The following IQGAP2 variants were observed in gnomAD, a reference collection of about 807,000 sequenced individuals.
The protein encoded by IQGAP2 is ras GTPase-activating-like protein IQGAP2.
Under a neutral mutation model 201.3 loss-of-function variants are expected in IQGAP2, and 173 were observed. The ratio of observed to expected loss-of-function variants is 0.86; its 90% CI spans 0.76 to 0.98. IQGAP2 has a LOEUF of 0.98. Ranked by LOEUF, IQGAP2 falls within the 50% of genes least tolerant of loss-of-function variation. The probability of loss-of-function intolerance (pLI) is 0.00; values close to 1 mark genes in which losing one functional copy is unlikely to be tolerated. For missense variants in IQGAP2, 1,687 were observed against 1,864.8 expected, an observed-to-expected ratio of 0.90 and a Z score of 1.76; for synonymous variants, 675 against 673.9, an observed-to-expected ratio of 1.00 and a Z score of -0.03.
At chr5:76,576,308 A>C (rs1385629617) in intron 5 of IQGAP2, among the ~76,000 whole-genome samples, 4 of 152,238 alleles carry the variant, frequency 2.6e-5, no homozygotes, top group South Asian at 2.1e-4. Flanking sequence ...AGTCAAATCA[A>C]GACACATTCA....
At chr5:76,677,941 T>A (rs527299025) in intron 28 of IQGAP2, among the ~76,000 whole-genome samples, 1 of 151,976 alleles carries the variant, frequency 6.6e-6, no homozygotes, top group South Asian at 2.1e-4. Flanking sequence ...AAAAAATAAA[T>A]AAATAAATAA....
intron 22 of IQGAP2, among the ~76,000 whole-genome samples, chr5:76,668,069 G>A (rs1178528433): frequency 6.6e-6 from 1 of 151,658 alleles, no homozygotes; most frequent in East Asian, 1.9e-4. Flanking sequence ...TTTTTCTAGA[G>A]ACAGGGTCTG....
intron 5 of IQGAP2, among the ~76,000 whole-genome samples, chr5:76,586,035 T>C (rs538409895): frequency 2.8e-4 from 43 of 152,324 alleles, no homozygotes; most frequent in Non-Finnish European, 5.7e-4. Flanking sequence ...TCATAAAATA[T>C]TATGGTTTTG....
chr5:76,529,521 A>G (rs970161296), intron 2 of IQGAP2, among the ~76,000 whole-genome samples: 1 of 151,874 alleles, frequency 6.6e-6, no homozygotes, highest in African/African-American at 2.4e-5. Flanking sequence ...CCAGCTAGTC[A>G]AGAGGCTGAG....
intron 2 of IQGAP2, among the ~76,000 whole-genome samples, chr5:76,498,622 T>C (rs574925066): frequency 6.6e-6 from 1 of 152,236 alleles, no homozygotes; most frequent in South Asian, 2.1e-4. Context: ...TCTCTTAGGG[T>C]TTTTAGGGTT....
chr5:76,642,878 A>G (rs575959538), intron 17 of IQGAP2, among the ~76,000 whole-genome samples: 39 of 152,332 alleles, frequency 2.6e-4, no homozygotes, highest in African/African-American at 9.1e-4. Context: ...CAGCATGATC[A>G]ACATCCAGCA....
chr5:76,543,980 T>G (rs1742942505), intron 2 of IQGAP2, among the ~76,000 whole-genome samples: 1 of 152,192 alleles, frequency 6.6e-6, no homozygotes, highest in African/African-American at 2.4e-5. Flanking sequence ...GTCTGGAAAC[T>G]CCTAAGCGCC....
intron 2 of IQGAP2, among the ~76,000 whole-genome samples, chr5:76,503,667 C>T (rs1386392486): frequency 6.6e-6 from 1 of 152,112 alleles, no homozygotes; most frequent in Non-Finnish European, 1.5e-5. Flanking sequence ...TCTCGGCTCA[C>T]TGCAATCTCC....
At chr5:76,471,140 C>T (rs1052334188) in intron 2 of IQGAP2, among the ~76,000 whole-genome samples, 14 of 152,120 alleles carry the variant, frequency 9.2e-5, no homozygotes, top group African/African-American at 2.9e-4. Context: ...TTAATCCAAC[C>T]GGAGCTATTG....
intron 13 of IQGAP2, chr5:76,617,417 C>T: frequency 1.7e-6 from 1 of 602,098 alleles, no homozygotes; most frequent in Admixed American, 3.0e-5. Flanking sequence ...AAGTGAGACT[C>T]AGTCTCAAAA....
chr5:76,482,259 C>T (rs1051691725), intron 2 of IQGAP2, among the ~76,000 whole-genome samples: 3 of 152,202 alleles, frequency 2.0e-5, no homozygotes, highest in Non-Finnish European at 2.9e-5. Context: ...CCACCTCAGC[C>T]TCTGCTTCTG....
At chr5:76,620,981 T>G (rs1214851306) in intron 13 of IQGAP2, among the ~76,000 whole-genome samples, 1 of 152,230 alleles carries the variant, frequency 6.6e-6, no homozygotes, top group Non-Finnish European at 1.5e-5. Context: ...CCCTTTCACA[T>G]GTATAGAAAA....
At chr5:76,591,827 T>C (rs576542073) in intron 8 of IQGAP2, among the ~76,000 whole-genome samples, 1 of 152,352 alleles carries the variant, frequency 6.6e-6, no homozygotes, top group Admixed American at 6.5e-5. Context: ...CTTCTCCAGA[T>C]AACTTTGTCT....
intron 2 of IQGAP2, among the ~76,000 whole-genome samples, chr5:76,501,487 G>A (rs577673852): frequency 1.6e-4 from 25 of 152,130 alleles, no homozygotes; most frequent in African/African-American, 5.8e-4. Context: ...TGCATGCTCT[G>A]CTTTTATTTG....
chr5:76,525,027 C>T (rs190820833), intron 2 of IQGAP2, among the ~76,000 whole-genome samples: 7 of 152,286 alleles, frequency 4.6e-5, no homozygotes, highest in East Asian at 3.9e-4. Context: ...ATTATGCATG[C>T]GAGTCTGGTG....
intron 2 of IQGAP2, among the ~76,000 whole-genome samples, chr5:76,476,524 G>T (rs554636800): frequency 6.6e-6 from 1 of 152,286 alleles, no homozygotes; most frequent in East Asian, 1.9e-4. Flanking sequence ...TAAACAAAAA[G>T]TGATAATATA....
chr5:76,548,678 A>G (rs529495877), intron 2 of IQGAP2, among the ~76,000 whole-genome samples: 2 of 152,184 alleles, frequency 1.3e-5, no homozygotes, highest in African/African-American at 2.4e-5. Flanking sequence ...AGTGATATCA[A>G]TCTCATCAGA....
intron 2 of IQGAP2, among the ~76,000 whole-genome samples, chr5:76,479,210 G>C (rs1022914072): frequency 3.3e-5 from 5 of 152,064 alleles, no homozygotes; most frequent in Non-Finnish European, 7.4e-5. Flanking sequence ...TAGCAGTCAG[G>C]GAGCTCCCTG....
intron 10 of IQGAP2, 37 bp downstream of exon 10, chr5:76,597,639 C>A: frequency 6.2e-7 from 1 of 1,607,326 alleles, no homozygotes; most frequent in Admixed American, 1.7e-5. Flanking sequence ...GGGACGGTAA[C>A]CCTGCGTGCC....
Sources: allele counts gnomAD v4.1 joint callset (sites outside exome capture counted in the v4.1 genomes callset), GRCh38; gene constraint gnomAD v4.1.1; transcripts MANE v1.5; gene names NCBI Gene and HGNC (gene_info 2026-07-23, HGNC 2026-07-21).